Variants in IMMP2L observed in about 807,000 individuals in gnomAD.
IMMP2L encodes inner mitochondrial membrane peptidase subunit 2.
In IMMP2L, 18 loss-of-function variants were observed where a neutral mutation model predicts 19.3. The ratio of observed to expected loss-of-function variants is 0.93; its 90% CI spans 0.64 to 1.38. IMMP2L has a LOEUF of 1.38. Among genes scored for constraint, IMMP2L ranks in the 40% most tolerant of loss-of-function variants. The probability of loss-of-function intolerance (pLI) is 0.00; values close to 1 mark genes in which losing one functional copy is unlikely to be tolerated. For synonymous variants in IMMP2L, 76 were observed against 73.0 expected (o/e 1.04, Z -0.21); for missense variants, 233 against 218.2 (o/e 1.07, Z -0.43).
At chr7:111,334,456 A>G (rs1236021448) in intron 3 of IMMP2L, among the ~76,000 whole-genome samples, 1 of 152,072 alleles carries the variant, frequency 6.6e-6, no homozygotes, top group Admixed American at 6.6e-5. Flanking sequence ...TTCTTTATGC[A>G]TGCATCAGTT....
chr7:111,135,635 T>A (rs560294425), intron 3 of IMMP2L, among the ~76,000 whole-genome samples: 21 of 152,310 alleles, frequency 1.4e-4, no homozygotes, highest in African/African-American at 4.8e-4. Context: ...TATTTTAAAA[T>A]ACACCATTTC....
chr7:110,691,198 T>C (rs920476743), intron 5 of IMMP2L, among the ~76,000 whole-genome samples: 4 of 151,888 alleles, frequency 2.6e-5, no homozygotes, highest in Admixed American at 1.3e-4. Flanking sequence ...TGACAAAGCA[T>C]AGAAAAACAT....
intron 1 of IMMP2L, among the ~76,000 whole-genome samples, chr7:111,557,100 CT>C (rs1420133869): frequency 1.3e-5 from 2 of 152,252 alleles, no homozygotes; most frequent in South Asian, 2.1e-4. Flanking sequence ...CCTCATCTTA[CT>C]TTTCCTAAAC....
At chr7:111,103,364 T>G (rs1239394348) in intron 3 of IMMP2L, among the ~76,000 whole-genome samples, 1 of 151,698 alleles carries the variant, frequency 6.6e-6, no homozygotes, top group Non-Finnish European at 1.5e-5. Context: ...GCTAATAGTT[T>G]TTACCAGTTT....
chr7:111,212,533 C>T (rs750302750), intron 3 of IMMP2L, among the ~76,000 whole-genome samples: 4 of 151,892 alleles, frequency 2.6e-5, no homozygotes, highest in Non-Finnish European at 5.9e-5. Context: ...ATCACTTAGG[C>T]CAGGGAGGCG....
intron 3 of IMMP2L, among the ~76,000 whole-genome samples, chr7:111,047,785 C>T (rs1027213817): frequency 2.0e-5 from 3 of 152,114 alleles, no homozygotes; most frequent in Admixed American, 1.3e-4. Context: ...AGACATCAGT[C>T]CAAGGTCCAG....
At chr7:111,493,960 A>G (rs1411524452) in intron 2 of IMMP2L, among the ~76,000 whole-genome samples, 1 of 151,908 alleles carries the variant, frequency 6.6e-6, no homozygotes, top group Non-Finnish European at 1.5e-5. Context: ...AGACCACGCC[A>G]CTGCACTCCA....
chr7:111,318,421 A>G (rs1227409613), intron 3 of IMMP2L, among the ~76,000 whole-genome samples: 2 of 152,150 alleles, frequency 1.3e-5, no homozygotes, highest in African/African-American at 4.8e-5. Flanking sequence ...ACAGATGTCT[A>G]AAGGAAACAG....
intron 3 of IMMP2L, among the ~76,000 whole-genome samples, chr7:111,005,799 T>C (rs1824223707): frequency 6.6e-6 from 1 of 152,162 alleles, no homozygotes. Flanking sequence ...GAAAAGAGGA[T>C]CTTCTGTTCT....
chr7:111,244,705 G>GA, intron 3 of IMMP2L, among the ~76,000 whole-genome samples: 1 of 594 alleles, frequency 1.7e-3, no homozygotes, highest in Non-Finnish European at 2.5e-3. Flanking sequence ...TAAGGTGTAA[G>GA]GAAAGGATCC....
At chr7:111,215,470 T>C (rs1586869819) in intron 3 of IMMP2L, among the ~76,000 whole-genome samples, 1 of 152,162 alleles carries the variant, frequency 6.6e-6, no homozygotes, top group Non-Finnish European at 1.5e-5. Context: ...TATTTGAATA[T>C]AGCTACTTTT....
intron 3 of IMMP2L, among the ~76,000 whole-genome samples, chr7:111,405,664 G>A (rs1833843807): frequency 1.3e-5 from 2 of 151,986 alleles, no homozygotes; most frequent in Non-Finnish European, 2.9e-5. Flanking sequence ...TTCCCTCCTA[G>A]GTCACTGGCT....
At chr7:110,668,425 A>G (rs1184482028) in intron 5 of IMMP2L, among the ~76,000 whole-genome samples, 1 of 152,166 alleles carries the variant, frequency 6.6e-6, no homozygotes, top group African/African-American at 2.4e-5. Flanking sequence ...TTAAAATTTG[A>G]TAGCTGCTAC....
intron 3 of IMMP2L, among the ~76,000 whole-genome samples, chr7:111,361,657 G>A (rs1203282633): frequency 6.6e-6 from 1 of 152,018 alleles, no homozygotes; most frequent in Admixed American, 6.6e-5. Flanking sequence ...GTGCTGCCTA[G>A]GGATACTAGT....
At chr7:111,092,756 C>A (rs2129578098) in intron 3 of IMMP2L, among the ~76,000 whole-genome samples, 1 of 152,276 alleles carries the variant, frequency 6.6e-6, no homozygotes, top group African/African-American at 2.4e-5. Flanking sequence ...TTCAAACAGA[C>A]AACACCAATT....
At chr7:111,318,776 A>G (rs1050043887) in intron 3 of IMMP2L, among the ~76,000 whole-genome samples, 1 of 152,176 alleles carries the variant, frequency 6.6e-6, no homozygotes, top group African/African-American at 2.4e-5. Context: ...TATTTTAGAT[A>G]CTAAATTAGG....
intron 3 of IMMP2L, among the ~76,000 whole-genome samples, chr7:111,277,351 A>G (rs1336657452): frequency 6.6e-6 from 1 of 152,102 alleles, no homozygotes; most frequent in Non-Finnish European, 1.5e-5. Flanking sequence ...AATGCTCAAA[A>G]TCACTAATCA....
chr7:110,798,492 C>T (rs73716435), intron 5 of IMMP2L, among the ~76,000 whole-genome samples: 9,845 of 151,904 alleles, frequency 0.065, 370 homozygotes, highest in African/African-American at 0.09. Flanking sequence ...TAAACTTAGA[C>T]GGATGAATGA....
intron 5 of IMMP2L, among the ~76,000 whole-genome samples, chr7:110,867,237 C>T (rs992488772): frequency 1.3e-5 from 2 of 151,934 alleles, no homozygotes; most frequent in Non-Finnish European, 2.9e-5. Context: ...CTGATGGCTG[C>T]CTTCTTGCTA....
Sources: allele counts gnomAD v4.1 joint callset (sites outside exome capture counted in the v4.1 genomes callset), GRCh38; gene constraint gnomAD v4.1.1; transcripts MANE v1.5; gene names NCBI Gene and HGNC (gene_info 2026-07-23, HGNC 2026-07-21).